PSD2: variants seen among roughly 807,000 people sequenced by gnomAD.
PSD2 encodes the protein pleckstrin and Sec7 domain containing 2.
PSD2 carries 38 observed loss-of-function variants against 69.8 expected under a neutral mutation model. The ratio of observed to expected loss-of-function variants is 0.54; its 90% CI spans 0.42 to 0.71. The LOEUF (loss-of-function observed/expected upper bound fraction) is 0.71. PSD2 is among the 30% of genes least tolerant of loss of function. The probability of loss-of-function intolerance (pLI) is 0.00; values close to 1 mark genes in which losing one functional copy is unlikely to be tolerated. For synonymous variants in PSD2, 412 were observed against 423.0 expected (o/e 0.97, Z 0.32); for missense variants, 943 against 1,014.5 (o/e 0.93, Z 0.96).
At chr5:139,827,940 A>C (rs927139123) in intron 7 of PSD2, among the ~76,000 whole-genome samples, 1 of 152,108 alleles carries the variant, frequency 6.6e-6, no homozygotes, top group African/African-American at 2.4e-5. Flanking sequence ...AGAGGATCAA[A>C]GGGTTGTTGG....
At chr5:139,780,782 C>T in the PSD2 span, among the ~76,000 whole-genome samples, 1 of 152,162 alleles carries the variant, frequency 6.6e-6, no homozygotes, top group African/African-American at 2.4e-5. Context: ...TGAATTCGGC[C>T]TCCAGCCAGT....
rs1760776158 is a variant in PSD2, at chr5:139,837,865, A to G, written c.1823+83A>G. ...GCACACAACCCCTCTCCTTCCCGTG[A>G]GTCAGCAACAGAGCATGTGTATCCA... On this transcript the variant is annotated intron_variant, in intron 12 of 14. Transcript: ENST00000274710. This position sits in a 1 kb window ranked among gnomAD's most constrained non-coding sequence, Gnocchi z 5.0. 2.2e-6 allele frequency: 3 copies of G among 1,344,226 alleles called. No homozygotes were observed. The highest frequency in any genetic ancestry group is 1.5e-5 in the African/African-American group (1 of 68,512). 83.3% of individuals were successfully genotyped at this position (1,344,226 alleles called of 1,614,324 possible). A position where few individuals can be genotyped will look rare whatever the true frequency, so the allele number is the denominator to read the frequency against.
Position 139,844,273 on chromosome 5 carries a change from T to C in PSD2, c.*1799T>C, listed in dbSNP as rs900390749. The C allele has an allele frequency of 1.3e-5, 2 of 152,240 alleles. No homozygotes were observed. The highest frequency in any genetic ancestry group is 2.4e-5 in the African/African-American group (1 of 41,456). The allele number at this position is 152,240 out of a possible 1,614,324, so 9.4% of individuals were successfully genotyped here. Reference sequence around the variant, plus strand: ...AGGAGCTCTGGCAGCTGTGGACAGATGTGCTTCCTGAGCATGGGTTGTGCC... The same window carrying C: ...AGGAGCTCTGGCAGCTGTGGACAGACGTGCTTCCTGAGCATGGGTTGTGCC... On this transcript the variant is annotated 3_prime_UTR_variant, in exon 15 of 15. Transcript: ENST00000274710.
chr5:139,801,985 A>G (rs1759684951), intron 1 of PSD2, among the ~76,000 whole-genome samples: 1 of 152,116 alleles, frequency 6.6e-6, no homozygotes, highest in Admixed American at 6.5e-5. Context: ...GTGACAGTGA[A>G]ATGGCCCAGC....
chr5:139,758,214 C>T, the PSD2 span, among the ~76,000 whole-genome samples: 7 of 152,124 alleles, frequency 4.6e-5, no homozygotes, highest in African/African-American at 1.4e-4. Context: ...GGGTGGTGAT[C>T]TGTGCTCACA....
Position 139,838,681 on chromosome 5 carries a change from T to A in PSD2, c.1877T>A (p.Ile626Asn). ...WILRINLVAA[I>N]FSAPAFPAAV... Reference sequence around the variant, plus strand: ...CTCAGGATCAACCTGGTGGCAGCCATCTTCTCTGCCCCGGCCTTCCCAGCC... The same window carrying A: ...CTCAGGATCAACCTGGTGGCAGCCAACTTCTCTGCCCCGGCCTTCCCAGCC... Residue 626 changes from isoleucine (I) to asparagine (N), a missense_variant, in exon 13 of 15, where the codon ATC (isoleucine) becomes AAC (asparagine). Ile to Asn is a moderately radical substitution (Grantham distance 149, BLOSUM62 -3). Transcript: ENST00000274710. 1 of 1,613,946 alleles carries A rather than the reference T, an allele frequency of 6.2e-7. No individual in the cohort carries two copies. Among genetic ancestry groups the A allele is most frequent in the Non-Finnish European group, 8.5e-7 (1 of 1,179,912 alleles).
At chr5:139,766,956 T>TCTTTCTTTCTTTCTTC in the PSD2 span, among the ~76,000 whole-genome samples, 177 of 136,346 alleles carry the variant, frequency 1.3e-3, 5 homozygotes, top group Non-Finnish European at 2.4e-3. Flanking sequence ...TTTCTTTCTT[T>TCTTTCTTTCTTTCTTC]CTTTCTTTCT....
intron 8 of PSD2, 129 bp from the exon 9 acceptor site, chr5:139,835,594 G>A: frequency 2.3e-6 from 2 of 879,432 alleles, no homozygotes; most frequent in East Asian, 4.8e-5. Context: ...AAATAAGTAT[G>A]AATCAAACAC....
the PSD2 span, among the ~76,000 whole-genome samples, chr5:139,750,110 G>A: frequency 2.0e-5 from 3 of 151,678 alleles, no homozygotes; most frequent in African/African-American, 7.3e-5. Context: ...TGGATCACGA[G>A]GTCAGGAAAT....
the PSD2 span, among the ~76,000 whole-genome samples, chr5:139,787,348 C>T: frequency 6.6e-6 from 1 of 152,150 alleles, no homozygotes; most frequent in Non-Finnish European, 1.5e-5. Context: ...AGTTCCAGCA[C>T]AGACGAAGGG....
At chr5:139,812,842 G>C (rs1054265020) in intron 2 of PSD2, among the ~76,000 whole-genome samples, 2 of 152,182 alleles carry the variant, frequency 1.3e-5, no homozygotes, top group South Asian at 2.1e-4. Flanking sequence ...GGCCGGGCTG[G>C]GGGACGAGGC....
chr5:139,830,527 T>TTCCTTCCC (rs1325468680), intron 7 of PSD2, among the ~76,000 whole-genome samples: 4 of 114,256 alleles, frequency 3.5e-5, no homozygotes, highest in African/African-American at 1.8e-4. Context: ...ATTTTCTTCC[T>TTCCTTCCC]TCCTTCCTTC....
rs569962270 is a variant in PSD2, at chr5:139,843,268, G to A, written c.*794G>A. Reference sequence around the variant, plus strand: ...CACCTGGCCCCCTGGCATTCCTGACGCTCTAGGAGGGAAGGGGGAGGCAGT... The same window carrying A: ...CACCTGGCCCCCTGGCATTCCTGACACTCTAGGAGGGAAGGGGGAGGCAGT... On this transcript the variant is annotated 3_prime_UTR_variant, in exon 15 of 15. Transcript: ENST00000274710. 4 of 152,184 alleles carry A rather than the reference G, an allele frequency of 2.6e-5. No individual in the cohort carries two copies. The highest frequency in any genetic ancestry group is 9.7e-5 in the African/African-American group (4 of 41,444). The allele number at this position is 152,184 out of a possible 1,614,324, so 9.4% of individuals were successfully genotyped here. A position where few individuals can be genotyped will look rare whatever the true frequency, so the allele number is the denominator to read the frequency against.
upstream of PSD2, among the ~76,000 whole-genome samples, chr5:139,791,245 CA>C (rs1218933969): frequency 6.6e-6 from 1 of 152,204 alleles, no homozygotes; most frequent in African/African-American, 2.4e-5. Context: ...GCCTGGGCAA[CA>C]TGGCGAAACT....
In PSD2 at chr5:139,837,186, G is replaced by T; in HGVS notation, c.1613G>T (p.Gly538Val). The T allele has an allele frequency of 1.2e-6, 2 of 1,614,108 alleles. No individual in the cohort carries two copies. Among genetic ancestry groups the T allele is most frequent in the Non-Finnish European group, 1.7e-6 (2 of 1,179,958 alleles). Residue 538 changes from glycine (G) to valine (V), a missense_variant, in exon 11 of 15, where the codon GGC becomes GTC. Physicochemically the swap from Gly to Val is moderately radical, Grantham distance 109. Coordinates refer to ENST00000274710, the MANE Select transcript of PSD2 (RefSeq NM_032289.4). The surrounding 1 kb of genome is among the most constrained non-coding windows in gnomAD (Gnocchi z 5.0). The part of the protein sequence containing the change: ...DGKRTPRGRR[G>V]WKKFYAVLKG... The stretch of plus-strand genomic sequence containing the variant: ...TCCCCAGCGCCCCGTGGGAGGCGTG[G>T]CTGGAAGAAATTCTACGCAGTGCTC...
At chr5:139,778,999 T>A in the PSD2 span, among the ~76,000 whole-genome samples, 6 of 150,364 alleles carry the variant, frequency 4.0e-5, no homozygotes, top group Non-Finnish European at 5.9e-5. Flanking sequence ...GAAACTTTTT[T>A]AAGGCTTTTG....
At chr5:139,835,635 C>A in intron 8 of PSD2, 88 bp from the exon 9 acceptor site, 1 of 1,355,466 alleles carries the variant, frequency 7.4e-7, no homozygotes, top group Non-Finnish European at 1.1e-6. Flanking sequence ...AAAAGGTGCT[C>A]CCTCACTGTA....
chr5:139,775,256 G>A, the PSD2 span: 1 of 152,428 alleles, frequency 6.6e-6, no homozygotes, highest in Admixed American at 6.5e-5. Context: ...ACTGTCTCCG[G>A]GAGTGGCGGG....
intron 1 of PSD2, among the ~76,000 whole-genome samples, chr5:139,808,079 C>T (rs1470576357): frequency 6.6e-6 from 1 of 152,228 alleles, no homozygotes; most frequent in Non-Finnish European, 1.5e-5. Context: ...TCTTGAACCC[C>T]CAGCATCCCT....
Sources: allele counts gnomAD v4.1 joint callset (sites outside exome capture counted in the v4.1 genomes callset), GRCh38; gene constraint gnomAD v4.1.1; non-coding constraint Gnocchi (gnomAD v3.1); transcripts MANE v1.5; gene names NCBI Gene and HGNC (gene_info 2026-07-23, HGNC 2026-07-21).